SSH1: variants seen among roughly 807,000 people sequenced by gnomAD.
SSH1 encodes the protein slingshot protein phosphatase 1.
A neutral mutation model predicts 79.7 loss-of-function variants in SSH1; 43 were observed. The observed-to-expected ratio is 0.54, with a 90% CI of 0.42 to 0.70. The LOEUF (loss-of-function observed/expected upper bound fraction) is 0.70, where lower values mean the gene tolerates loss of function less well. SSH1 is among the 30% of genes least tolerant of loss of function. SSH1 has a pLI of 0.00. For synonymous variants in SSH1, 599 were observed against 538.3 expected, an observed-to-expected ratio of 1.11 and a Z score of -1.56; for missense variants, 1,206 against 1,358.8, an observed-to-expected ratio of 0.89 and a Z score of 1.77.
intron 2 of SSH1, among the ~76,000 whole-genome samples, chr12:108,846,953 G>T (rs2038911421): frequency 6.6e-6 from 1 of 152,112 alleles, no homozygotes. Flanking sequence ...ATGGAGTGCA[G>T]CGGCACAATC....
chr12:108,837,957 A>AT (rs1473430135), intron 2 of SSH1, among the ~76,000 whole-genome samples: 1 of 151,746 alleles, frequency 6.6e-6, no homozygotes, highest in Non-Finnish European at 1.5e-5. Context: ...TAATTTTTTA[A>AT]TTTTTTTGTA....
intron 7 of SSH1, among the ~76,000 whole-genome samples, chr12:108,809,276 AC>A (rs1263664789): frequency 6.6e-6 from 1 of 151,016 alleles, no homozygotes; most frequent in South Asian, 2.1e-4. Flanking sequence ...ACATAGTGAG[AC>A]CCCATCTCTA....
intron 2 of SSH1, among the ~76,000 whole-genome samples, chr12:108,836,715 T>C (rs548309036): frequency 1.3e-5 from 2 of 152,334 alleles, no homozygotes; most frequent in East Asian, 3.9e-4. Context: ...AGAATAACTG[T>C]ACAGTGGAAA....
chr12:108,817,906 T>A (rs766081223), intron 4 of SSH1, among the ~76,000 whole-genome samples: 3 of 151,670 alleles, frequency 2.0e-5, no homozygotes, highest in Non-Finnish European at 2.9e-5. Context: ...CAATTAAAAA[T>A]TAAAACTTGC....
intron 2 of SSH1, among the ~76,000 whole-genome samples, chr12:108,837,264 A>C (rs375908319): frequency 6.6e-6 from 1 of 152,310 alleles, no homozygotes; most frequent in East Asian, 1.9e-4. Flanking sequence ...AATCCAGGCC[A>C]CAAGAGTCAA....
At chr12:108,806,840 C>T (rs995565540) in intron 8 of SSH1, among the ~76,000 whole-genome samples, 2 of 152,236 alleles carry the variant, frequency 1.3e-5, no homozygotes, top group African/African-American at 4.8e-5. Flanking sequence ...CTGGTTTTAA[C>T]TCTAGGGGAC....
Position 108,806,211 on chromosome 12 carries a change from T to A in SSH1, c.825+90A>T, listed in dbSNP as rs1011248963. The A allele has an allele frequency of 8.1e-6, 10 of 1,227,836 alleles. No homozygotes were observed. The African/African-American group carries it at 1.3e-4, about 16-fold the overall frequency. The allele number at this position is 1,227,836 out of a possible 1,614,324, so 76.1% of individuals were successfully genotyped here. A position where few individuals can be genotyped will look rare whatever the true frequency, so the allele number is the denominator to read the frequency against. The stretch of plus-strand genomic sequence containing the variant: ...CAGAGGACAGGTAAAGACAACCAGA[T>A]GTTGGGCCTGCTTTTGCTGCACTTT... On this transcript the variant is annotated intron_variant, in intron 9 of 14. Transcript: ENST00000326495.
At chr12:108,797,768 T>G (rs2036817545) in intron 13 of SSH1, among the ~76,000 whole-genome samples, 1 of 152,148 alleles carries the variant, frequency 6.6e-6, no homozygotes, top group Non-Finnish European at 1.5e-5. Context: ...CTTTCATCAC[T>G]CAGTAAAATT....
chr12:108,813,281 C>A (rs2037711819), intron 5 of SSH1, among the ~76,000 whole-genome samples: 1 of 152,146 alleles, frequency 6.6e-6, no homozygotes, highest in South Asian at 2.1e-4. Flanking sequence ...AACAGAGAAG[C>A]CAGATGGGTC....
Position 108,852,680 on chromosome 12 carries a change from T to C in SSH1, c.70-2A>G. On this transcript the variant is annotated splice_acceptor_variant, in intron 1 of 14. Transcript: ENST00000326495. LOFTEE classifies it high-confidence loss of function. Reference sequence around the variant, plus strand: ...ATCTTCTTCGCTGCCAGCCTCCAACTACAGAGAAAGAAAGAGAATATCACA... The same window carrying C: ...ATCTTCTTCGCTGCCAGCCTCCAACCACAGAGAAAGAAAGAGAATATCACA... 3.1e-6 allele frequency: 5 copies of C among 1,614,074 alleles called. No homozygotes were observed. The highest frequency in any genetic ancestry group is 4.2e-6 in the Non-Finnish European group (5 of 1,180,020).
At position 108,788,187 on chromosome 12, in the gene SSH1, C is replaced by T. The variant is rs1358281812; in HGVS notation, c.2951G>A (p.Ser984Asn). ...KRSHSLAKLG[S>N]LTFSTEDLSS... ...CAGGTCTTCCGTTGAGAAGGTGAGA[C>T]TCCCCAGCTTGGCAAGAGAGTGTGA... is the stretch of plus-strand genomic sequence containing the variant. The change falls in exon 15 of 15, where the codon AGT becomes AAT. Residue 984 changes from serine (S) to asparagine (N), a missense_variant. Physicochemically the swap from Ser to Asn is conservative, Grantham distance 46. Coordinates refer to ENST00000326495, the MANE Select transcript of SSH1 (RefSeq NM_018984.4). 3.7e-6 allele frequency: 6 copies of T among 1,613,952 alleles called. No individual in the cohort carries two copies. The highest frequency in any genetic ancestry group is 5.1e-6 in the Non-Finnish European group (6 of 1,180,028).
At chr12:108,814,931 T>C (rs1347939516) in intron 5 of SSH1, among the ~76,000 whole-genome samples, 1 of 152,204 alleles carries the variant, frequency 6.6e-6, no homozygotes, top group Non-Finnish European at 1.5e-5. Context: ...GATGCGCATG[T>C]GGGCATCTAA....
chr12:108,831,987 T>G (rs1053970909), intron 2 of SSH1, among the ~76,000 whole-genome samples: 3 of 152,226 alleles, frequency 2.0e-5, no homozygotes, highest in Non-Finnish European at 4.4e-5. Context: ...CCTGGTATAC[T>G]ATCAACATAT....
intron 11 of SSH1, among the ~76,000 whole-genome samples, chr12:108,801,210 G>T (rs192679356): frequency 6.6e-6 from 1 of 152,070 alleles, no homozygotes; most frequent in Non-Finnish European, 1.5e-5. Context: ...TTAAATATAC[G>T]TATTACTTAA....
At chr12:108,793,884 A>G (rs1367662060) in intron 13 of SSH1, among the ~76,000 whole-genome samples, 1 of 152,230 alleles carries the variant, frequency 6.6e-6, no homozygotes, top group Non-Finnish European at 1.5e-5. Context: ...TGCACATCCC[A>G]GCCAGCAGCT....
At position 108,792,767 on chromosome 12, in the gene SSH1, T is replaced by C. The variant is rs371846921; in HGVS notation, c.1412A>G (p.Asp471Gly). Residue 471 changes from aspartate to glycine, a missense_variant, in exon 14 of 15, where the codon GAT becomes GGT. Physicochemically the swap from Asp to Gly is moderately conservative, Grantham distance 94. Transcript: ENST00000326495. Reference sequence around the variant, plus strand: ...GAAGTCGCCAGGTCCTGCAGGGTCATCCACAGGCTGCTGGAGGCTGCTGTC... The same window carrying C: ...GAAGTCGCCAGGTCCTGCAGGGTCACCCACAGGCTGCTGGAGGCTGCTGTC... ...QTDSSLQQPVDDPAGPGDFLP... is the reference protein window; with the variant it reads ...QTDSSLQQPVGDPAGPGDFLP... 1.3e-5 allele frequency: 21 copies of C among 1,613,960 alleles called. No individual in the cohort carries two copies. The African/African-American group carries it at 2.7e-4, about 20-fold the overall frequency.
At position 108,785,940 on chromosome 12, in the gene SSH1, C is replaced by T. The variant is rs1399865931; in HGVS notation, c.*2048G>A. On this transcript the variant is annotated 3_prime_UTR_variant, in exon 15 of 15. Coordinates refer to ENST00000326495, the MANE Select transcript of SSH1 (RefSeq NM_018984.4). ...AGGGGTTTAGGAATAAGTGGATAAT[C>T]ACCTTTTAAGGTGATTTTAATTGAC... 6.6e-6 allele frequency: 1 copy of T among 152,178 alleles called. No individual in the cohort carries two copies. The highest frequency in any genetic ancestry group is 1.5e-5 in the Non-Finnish European group (1 of 68,024). The allele number at this position is 152,178 out of a possible 1,614,324, so 9.4% of individuals were successfully genotyped here.
At chr12:108,810,309 G>T (rs1298392904) in intron 6 of SSH1, among the ~76,000 whole-genome samples, 1 of 151,936 alleles carries the variant, frequency 6.6e-6, no homozygotes, top group East Asian at 1.9e-4. Flanking sequence ...ATCACCTGAG[G>T]TCAAGAGTTT....
At chr12:108,809,643 G>A (rs367845490) in intron 7 of SSH1, 50 bp downstream of exon 7, 38 of 1,515,732 alleles carry the variant, frequency 2.5e-5, no homozygotes, top group African/African-American at 1.8e-4. Context: ...TCATGCTGTC[G>A]GCTAAGAAAA....
Sources: allele counts gnomAD v4.1 joint callset (sites outside exome capture counted in the v4.1 genomes callset), GRCh38; gene constraint gnomAD v4.1.1; transcripts MANE v1.5; gene names NCBI Gene and HGNC (gene_info 2026-07-23, HGNC 2026-07-21).